The following RNASE4 variants were observed in gnomAD, a reference collection of about 807,000 sequenced individuals.
RNASE4 encodes ribonuclease A family member 4.
For missense variants in RNASE4, 194 were observed against 192.8 expected (o/e 1.01, Z -0.04); for synonymous variants, 93 against 71.4 (o/e 1.30, Z -1.52).
In RNASE4 at chr14:20,699,788, A is replaced by G. The variant is rs1887233555; in HGVS notation, c.417A>G (p.Pro139=). 2 of 1,612,522 alleles carry G rather than the reference A, an allele frequency of 1.2e-6. No homozygotes were observed. Among genetic ancestry groups the G allele is most frequent in the African/African-American group, 1.3e-5 (1 of 74,900 alleles). The change falls in exon 2 of 2, where the codon CCA becomes CCG. Residue 139 remains proline, a synonymous_variant. Transcript: ENST00000555835. The part of the protein sequence containing the change: ...RRVVIACEGN[P]QVPVHFDG The stretch of plus-strand genomic sequence containing the variant: ...TTGTCATTGCCTGTGAGGGTAACCC[A>G]CAGGTGCCTGTGCACTTTGACGGTT...
At chr14:20,686,336 G>C (rs11851044) in intron 1 of RNASE4, among the ~76,000 whole-genome samples, 16,703 of 152,202 alleles carry the variant, frequency 0.11, 933 homozygotes, top group Middle Eastern at 0.13. Context: ...AGCTATTGTT[G>C]AAAACAGATA....
Position 20,696,812 on chromosome 14 carries a change from A to G in RNASE4, c.-17-2543A>G, listed in dbSNP as rs1002558904. 1.4e-4 allele frequency among the ~76,000 whole-genome samples: 22 copies of G among 152,010 alleles called. 1 individual carries two copies. Among genetic ancestry groups the G allele is most frequent in the Admixed American group, 1.3e-3 (20 of 15,268 alleles). Reference sequence around the variant, plus strand: ...GGCCTTGTTATAGGCGCTTAGATTGATTTTCTTTTCATAACATCCCTAAGA... The same window carrying G: ...GGCCTTGTTATAGGCGCTTAGATTGGTTTTCTTTTCATAACATCCCTAAGA... On this transcript the variant is annotated intron_variant, in intron 1 of 1. Transcript: ENST00000555835.
chr14:20,691,082 A>G (rs548914579), intron 1 of RNASE4, among the ~76,000 whole-genome samples: 1 of 152,338 alleles, frequency 6.6e-6, no homozygotes, highest in South Asian at 2.1e-4. Context: ...CAGAGATTCT[A>G]AACAGGTTCA....
chr14:20,694,981 C>T (rs1373698914), intron 1 of RNASE4, among the ~76,000 whole-genome samples: 1 of 152,190 alleles, frequency 6.6e-6, no homozygotes, highest in Non-Finnish European at 1.5e-5. Flanking sequence ...GAATGGAATG[C>T]TCCCAGGATA....
intron 1 of RNASE4, among the ~76,000 whole-genome samples, chr14:20,690,477 G>C (rs1479101559): frequency 1.3e-5 from 2 of 152,078 alleles, no homozygotes; most frequent in Non-Finnish European, 2.9e-5. Context: ...GAGGAATTTA[G>C]AGTTGAATAT....
intron 1 of RNASE4, among the ~76,000 whole-genome samples, chr14:20,692,663 C>T (rs544325084): frequency 6.6e-6 from 1 of 152,294 alleles, no homozygotes; most frequent in Non-Finnish European, 1.5e-5. Context: ...CATCCCCCAC[C>T]AATCCATAGA....
intron 1 of RNASE4, among the ~76,000 whole-genome samples, chr14:20,697,174 A>G (rs1409079931): frequency 1.3e-5 from 2 of 152,178 alleles, no homozygotes; most frequent in Non-Finnish European, 2.9e-5. Context: ...TCTCGCATGC[A>G]TAGGTGAGGT....
At chr14:20,688,844 T>A in intron 1 of RNASE4, 2 of 985,408 alleles carry the variant, frequency 2.0e-6, no homozygotes, top group Non-Finnish European at 2.4e-6. Context: ...GAAGGGAAAC[T>A]GCCAGATTTT....
At chr14:20,694,355 A>G (rs1237277812) in intron 1 of RNASE4, among the ~76,000 whole-genome samples, 2 of 132,970 alleles carry the variant, frequency 1.5e-5, no homozygotes, top group Non-Finnish European at 3.1e-5. Context: ...GCTTAAGTGC[A>G]ATGGCACAAT....
chr14:20,695,432 G>C (rs76986166), intron 1 of RNASE4, among the ~76,000 whole-genome samples: 5,727 of 150,372 alleles, frequency 0.038, 132 homozygotes, highest in Middle Eastern at 0.069. Context: ...GTTTATCCCA[G>C]TTTATCCCTT....
intron 1 of RNASE4, among the ~76,000 whole-genome samples, chr14:20,686,699 T>C (rs1199870014): frequency 1.3e-5 from 2 of 152,240 alleles, no homozygotes; most frequent in African/African-American, 4.8e-5. Context: ...CAATCAGTAG[T>C]GTTGCCTCTT....
At chr14:20,693,074 C>G (rs986117024) in intron 1 of RNASE4, among the ~76,000 whole-genome samples, 1 of 151,978 alleles carries the variant, frequency 6.6e-6, no homozygotes, top group Non-Finnish European at 1.5e-5. Flanking sequence ...GTCTCGATCT[C>G]CTGACCTCGT....
At position 20,689,246 on chromosome 14, in the gene RNASE4, C is replaced by T. The variant is rs539907754; in HGVS notation, c.-18+4488C>T. Among the ~76,000 whole-genome samples, 5 of 152,348 alleles carry T rather than the reference C, an allele frequency of 3.3e-5. No homozygotes were observed. In the South Asian group the frequency reaches 1.0e-3, roughly 32 times the overall value. On this transcript the variant is annotated intron_variant, in intron 1 of 1. Transcript: ENST00000555835. ...AGTATGTTTTTAGCATTGTTTCCTT[C>T]TAACCTTCCCTGCTAATTTCTCTTC... is the stretch of plus-strand genomic sequence containing the variant.
At position 20,693,626 on chromosome 14, in the gene RNASE4, C is replaced by T. The variant is rs773237991; in HGVS notation, c.-17-5729C>T. 8 of 1,613,898 alleles carry T rather than the reference C, an allele frequency of 5.0e-6. No individual in the cohort carries two copies. Among genetic ancestry groups the T allele is most frequent in the African/African-American group, 1.3e-5 (1 of 74,866 alleles). On this transcript the variant is annotated intron_variant, in intron 1 of 1. Transcript: ENST00000555835. ...GTGCTGGGTCTGGGTCTGACCCCAC[C>T]GACCCTGGCTCAGGATAACTCCAGG...
chr14:20,694,003 C>G, intron 1 of RNASE4: 1 of 1,614,144 alleles, frequency 6.2e-7, no homozygotes, highest in Non-Finnish European at 8.5e-7. Flanking sequence ...TTTCCGTCGT[C>G]CGTAACCAGC....
At chr14:20,693,421 T>C (rs867875588) in intron 1 of RNASE4, 2 of 1,246,760 alleles carry the variant, frequency 1.6e-6, no homozygotes, top group Non-Finnish European at 1.1e-6. Flanking sequence ...GAAAATAGAA[T>C]ATAAAATTTG....
chr14:20,685,204 C>T (rs1886368067), intron 1 of RNASE4, among the ~76,000 whole-genome samples: 1 of 152,178 alleles, frequency 6.6e-6, no homozygotes, highest in Non-Finnish European at 1.5e-5. Flanking sequence ...TCACCCTTAA[C>T]CCACCCTCAG....
At chr14:20,697,137 G>A (rs1887119405) in intron 1 of RNASE4, among the ~76,000 whole-genome samples, 1 of 152,208 alleles carries the variant, frequency 6.6e-6, no homozygotes, top group South Asian at 2.1e-4. Context: ...CTTGAGTAGT[G>A]CAGAAAAGCT....
intron 1 of RNASE4, among the ~76,000 whole-genome samples, chr14:20,696,125 T>C (rs1349602941): frequency 6.6e-6 from 1 of 152,228 alleles, no homozygotes; most frequent in East Asian, 1.9e-4. Context: ...GTGAAAGGCA[T>C]GGACCATTAT....
Sources: gnomAD v4.1 joint callset for allele counts (sites outside exome capture counted in the v4.1 genomes callset) on GRCh38, gnomAD v4.1.1 for gene constraint, MANE v1.5 for transcripts, NCBI Gene and HGNC (gene_info 2026-07-23, HGNC 2026-07-21) for gene names.